The following MBD6 variants were observed in gnomAD, a reference collection of about 807,000 sequenced individuals.
MBD6 encodes methyl-CpG-binding domain protein 6.
A neutral mutation model predicts 66.8 loss-of-function variants in MBD6; 22 were observed. That is an observed-to-expected ratio of 0.33 (90% confidence interval 0.24 to 0.47). The LOEUF (loss-of-function observed/expected upper bound fraction) is 0.47. MBD6 is among the 20% of genes least tolerant of loss of function. MBD6 has a pLI of 1.00. For missense variants in MBD6, 1,322 were observed against 1,286.9 expected (o/e 1.03, Z -0.42); for synonymous variants, 540 against 534.6 (o/e 1.01, Z -0.14).
chr12:57,529,715 C>G lies in MBD6; in HGVS notation c.*481C>G, dbSNP rs1879442163. ...CATCATGCATCCTCCCCTTACCCCT[C>G]CAACACCCCTCTGCCTCTGGCTCAG... On this transcript the variant is annotated 3_prime_UTR_variant, in exon 13 of 13. Coordinates refer to ENST00000355673, the MANE Select transcript of MBD6 (RefSeq NM_052897.4). 1 of 160,154 alleles carries G rather than the reference C, an allele frequency of 6.2e-6. No homozygotes were observed. The highest frequency in any genetic ancestry group is 2.4e-5 in the African/African-American group (1 of 41,574). 9.9% of individuals were successfully genotyped at this position (160,154 alleles called of 1,614,324 possible).
chr12:57,528,667 T>G lies in MBD6; in HGVS notation c.2822T>G (p.Val941Gly), dbSNP rs1879265875. 6.2e-7 allele frequency: 1 copy of G among 1,614,132 alleles called. No homozygotes were observed. Residue 941 changes from valine (V) to glycine (G), a missense_variant and splice_region_variant, in exon 11 of 13, where the codon GTG becomes GGG. Coordinates refer to ENST00000355673, the MANE Select transcript of MBD6 (RefSeq NM_052897.4). ...PPGPHSEDLK[V>G]PPGVVRKSRR... Reference sequence around the variant, plus strand: ...CACACATAGTCCATCTTTTCTCAGGTGCCCCCGGGAGTAGTCAGAAAGTCT... The same window carrying G: ...CACACATAGTCCATCTTTTCTCAGGGGCCCCCGGGAGTAGTCAGAAAGTCT...
intron 9 of MBD6, 31 bp from the exon 10 acceptor site, chr12:57,528,116 A>G: frequency 6.4e-7 from 1 of 1,557,674 alleles, no homozygotes; most frequent in Non-Finnish European, 8.6e-7. Context: ...GGTATTTGAG[A>G]TTGACTGAGA....
rs1214486355 is a variant in MBD6 at position 57,529,062 on chromosome 12, C to T, written c.2937+53C>T. On this transcript the variant is annotated intron_variant, in intron 12 of 12. Transcript: ENST00000355673. ...GATGGGTAGGGTGTAAGGGATGAGGCGGCAGGAGGAAAGGAGGGTTAGAGG... is the reference window on the plus strand; with the variant it reads ...GATGGGTAGGGTGTAAGGGATGAGGTGGCAGGAGGAAAGGAGGGTTAGAGG... 2.5e-5 allele frequency: 40 copies of T among 1,612,868 alleles called. No individual in the cohort carries two copies. The East Asian group carries it at 2.7e-4, about 11-fold the overall frequency.
chr12:57,527,288 G>C, intron 7 of MBD6, 61 bp downstream of exon 7: 1 of 1,210,966 alleles, frequency 8.3e-7, no homozygotes, highest in Non-Finnish European at 1.1e-6. Context: ...TGGGAGCTGG[G>C]AATCAAAAGC....
At position 57,528,449 on chromosome 12, in the gene MBD6, G is replaced by C; in HGVS notation, c.2709G>C (p.Met903Ile). The change falls in exon 10 of 13, where the codon ATG becomes ATC. Residue 903 changes from methionine to isoleucine, a missense_variant. Coordinates refer to ENST00000355673, the MANE Select transcript of MBD6 (RefSeq NM_052897.4). Reference sequence around the variant, plus strand: ...CACGTGGTGGCTTCAATGGACAAATGGAAAGGTCCCCAAGAAGAACCCACC... The same window carrying C: ...CACGTGGTGGCTTCAATGGACAAATCGAAAGGTCCCCAAGAAGAACCCACC... Reference protein sequence around the residue: ...WGTRGGFNGQMERSPRRTHHW... With the variant: ...WGTRGGFNGQIERSPRRTHHW... 1 of 1,613,832 alleles carries C rather than the reference G, an allele frequency of 6.2e-7. No homozygotes were observed. Among genetic ancestry groups the C allele is most frequent in the African/African-American group, 1.3e-5 (1 of 75,070 alleles).
chr12:57,527,204 C>A lies in MBD6; in HGVS notation c.2059C>A (p.Pro687Thr). 1.3e-6 allele frequency: 2 copies of A among 1,508,290 alleles called. No homozygotes were observed. The highest frequency in any genetic ancestry group is 1.8e-6 in the Non-Finnish European group (2 of 1,128,810). The allele number at this position is 1,508,290 out of a possible 1,614,324, so 93.4% of individuals were successfully genotyped here. Reference protein sequence around the residue: ...NSALLAATLDPPSGTPPQPCV... With the variant: ...NSALLAATLDTPSGTPPQPCV... ...TGCGCTGCTGGCTGCCACCCTGGAT[C>A]CCCCCTCGGGGACACCCCCCCAGGT... Residue 687 changes from proline to threonine, a missense_variant, in exon 7 of 13, where the codon CCC becomes ACC. Physicochemically the swap from Pro to Thr is conservative, Grantham distance 38. Coordinates refer to ENST00000355673, the MANE Select transcript of MBD6 (RefSeq NM_052897.4).
Position 57,525,415 on chromosome 12 carries a change from T to C in MBD6, c.447T>C (p.Cys149=), listed in dbSNP as rs568534461. ...GGCCCCCCTCTGCCCGCCCTCCCTG[T>C]CGAGTTCCTCCTACAACTCCACTTA... ...SPGPPSARPP[C]RVPPTTPLNG... The change falls in exon 6 of 13, where the codon TGT becomes TGC. Residue 149 remains cysteine (C), a synonymous_variant. Coordinates refer to ENST00000355673, the MANE Select transcript of MBD6 (RefSeq NM_052897.4). 2 of 1,540,872 alleles carry C rather than the reference T, an allele frequency of 1.3e-6. No homozygotes were observed. Among genetic ancestry groups the C allele is most frequent in the African/African-American group, 2.8e-5 (2 of 72,024 alleles).
At chr12:57,526,460 C>T in intron 6 of MBD6, 72 bp downstream of exon 6, 4 of 1,520,664 alleles carry the variant, frequency 2.6e-6, no homozygotes, top group Non-Finnish European at 3.5e-6. Context: ...GGGGAATGTT[C>T]AGAGAGCTCT....
intron 1 of MBD6, 36 bp downstream of exon 1, chr12:57,523,047 TCCCCCTCCCGTCCCTACCCTCTG>T (rs989573837): frequency 5.8e-4 from 14 of 24,096 alleles, no homozygotes; most frequent in African/African-American, 2.1e-3. Flanking sequence ...ACCCTGCCCC[TCCCCCTCCCGTCCCTACCCTCTG>T]CCCCCTCCGC....
chr12:57,526,809 T>C lies in MBD6; in HGVS notation c.1664T>C (p.Leu555Ser), dbSNP rs764807327. ...LSLGQPPPSPLLNHSLFGVLT... is the reference protein window; with the variant it reads ...LSLGQPPPSPSLNHSLFGVLT... ...CTGGGGCAGCCTCCACCTTCTCCAT[T>C]GCTCAACCACAGTTTATTTGGTGTG... Residue 555 changes from leucine (L) to serine (S), a missense_variant, in exon 7 of 13, where the codon TTG becomes TCG. By Grantham distance (145) the Leu-to-Ser change is moderately radical. Transcript: ENST00000355673. 1.9e-6 allele frequency: 3 copies of C among 1,611,840 alleles called. No homozygotes were observed. The highest frequency in any genetic ancestry group is 2.5e-6 in the Non-Finnish European group (3 of 1,178,524).
At chr12:57,527,822 G>C (rs1053952309) in intron 8 of MBD6, 26 bp from the exon 9 acceptor site, 1 of 1,610,484 alleles carries the variant, frequency 6.2e-7, no homozygotes, top group Non-Finnish European at 8.5e-7. Context: ...CCTAGGGAGA[G>C]ACCCCTGACT....
chr12:57,527,250 G>A, intron 7 of MBD6, 23 bp downstream of exon 7: 3 of 1,426,222 alleles, frequency 2.1e-6, no homozygotes, highest in Non-Finnish European at 2.8e-6. Flanking sequence ...GTGAGTAGGT[G>A]GGACAGAACA....
rs1879307653 is a variant in MBD6, at chr12:57,528,934, C to T, written c.2874-12C>T. On this transcript the variant is annotated splice_polypyrimidine_tract_variant and intron_variant, in intron 11 of 12. Coordinates refer to ENST00000355673, the MANE Select transcript of MBD6 (RefSeq NM_052897.4). ...GGGAGCTGTTCCTGATCATCTGTGC[C>T]CCTTATTGCAGCCCTACCCGGAACA... 6.2e-7 allele frequency: 1 copy of T among 1,614,134 alleles called. No homozygotes were observed. Among genetic ancestry groups the T allele is most frequent in the Admixed American group, 1.7e-5 (1 of 60,024 alleles).
downstream of MBD6, chr12:57,530,644 T>C: frequency 2.0e-6 from 3 of 1,513,376 alleles, no homozygotes; most frequent in Non-Finnish European, 2.7e-6. Context: ...TTAACAGAGT[T>C]CACAGGGGTA....
chr12:57,527,487 G>C lies in MBD6; in HGVS notation c.2083-20G>C. The C allele has an allele frequency of 6.2e-7, 1 of 1,613,716 alleles. No individual in the cohort carries two copies. The highest frequency in any genetic ancestry group is 8.5e-7 in the Non-Finnish European group (1 of 1,179,692). ...GAGTATTTTACACGCGTAAGTGTTA[G>C]AATCATTCTTTTTTCTTAGCCCTGT... is the stretch of plus-strand genomic sequence containing the variant. On this transcript the variant is annotated intron_variant, in intron 7 of 12. Transcript: ENST00000355673.
chr12:57,528,660 T>A lies in MBD6; in HGVS notation c.2821-6T>A. On this transcript the variant is annotated splice_region_variant and splice_polypyrimidine_tract_variant and intron_variant, in intron 10 of 12. Transcript: ENST00000355673. ...TTTCCCACACACATAGTCCATCTTT[T>A]CTCAGGTGCCCCCGGGAGTAGTCAG... The A allele has an allele frequency of 6.2e-7, 1 of 1,614,130 alleles. No individual in the cohort carries two copies. The highest frequency in any genetic ancestry group is 8.5e-7 in the Non-Finnish European group (1 of 1,180,024).
At chr12:57,529,102 G>A (rs1220313540) in intron 12 of MBD6, 58 bp from the exon 13 acceptor site, 5 of 1,613,212 alleles carry the variant, frequency 3.1e-6, no homozygotes, top group Non-Finnish European at 4.2e-6. Flanking sequence ...GGGGAGAAAA[G>A]AAGACTTCCT....
chr12:57,530,494 T>G, downstream of MBD6: 1 of 508,406 alleles, frequency 2.0e-6, no homozygotes, highest in Non-Finnish European at 3.5e-6. Flanking sequence ...CACCTTCTGA[T>G]GATAACCAAC....
chr12:57,530,452 C>T, downstream of MBD6: 1 of 465,502 alleles, frequency 2.1e-6, no homozygotes, highest in Non-Finnish European at 3.9e-6. Context: ...TGGCTGGGCC[C>T]ACGTCCTTAT....
Sources: allele counts gnomAD v4.1 joint callset, GRCh38; gene constraint gnomAD v4.1.1; transcripts MANE v1.5; gene names NCBI Gene and HGNC (gene_info 2026-07-23, HGNC 2026-07-21).